IQGAP2: variants seen among roughly 807,000 people sequenced by gnomAD.
The protein encoded by IQGAP2 is IQ motif containing GTPase activating protein 2.
In IQGAP2, 173 loss-of-function variants were observed where a neutral mutation model predicts 201.3. That is an observed-to-expected ratio of 0.86 (90% confidence interval 0.76 to 0.98). The LOEUF is 0.98. Ranked by LOEUF, IQGAP2 falls within the 50% of genes least tolerant of loss-of-function variation. The probability of loss-of-function intolerance (pLI) is 0.00; values close to 1 mark genes in which losing one functional copy is unlikely to be tolerated. For synonymous variants in IQGAP2, 675 were observed against 673.9 expected (o/e 1.00, Z -0.03); for missense variants, 1,687 against 1,864.8 (o/e 0.90, Z 1.76).
intron 11 of IQGAP2, among the ~76,000 whole-genome samples, chr5:76,604,218 G>A (rs1747637020): frequency 6.6e-6 from 1 of 152,144 alleles, no homozygotes; most frequent in African/African-American, 2.4e-5. Context: ...ACTTATGAGT[G>A]GGAACATGTG....
chr5:76,463,883 T>C (rs1181234265), intron 2 of IQGAP2, among the ~76,000 whole-genome samples: 1 of 151,842 alleles, frequency 6.6e-6, no homozygotes, highest in African/African-American at 2.4e-5. Flanking sequence ...AGTCTCACTC[T>C]GTCGCCCAGG....
At chr5:76,577,288 T>C (rs1258001321) in intron 5 of IQGAP2, among the ~76,000 whole-genome samples, 1 of 152,246 alleles carries the variant, frequency 6.6e-6, no homozygotes, top group African/African-American at 2.4e-5. Flanking sequence ...GACTTACATG[T>C]GTATTTGCCA....
chr5:76,648,613 T>C (rs544589016), intron 17 of IQGAP2, among the ~76,000 whole-genome samples: 1 of 152,242 alleles, frequency 6.6e-6, no homozygotes, highest in South Asian at 2.1e-4. Context: ...GCAGCTATCA[T>C]AAAAATGTTA....
At chr5:76,472,547 A>G (rs10474477) in intron 2 of IQGAP2, among the ~76,000 whole-genome samples, 110,004 of 152,102 alleles carry the variant, frequency 0.72, 40,789 homozygotes, top group Middle Eastern at 0.83. Flanking sequence ...GGCAGATCAA[A>G]GCATTGCTTA....
rs530679279 is a variant in IQGAP2 at position 76,431,128 on chromosome 5, T to C, written c.46+27537T>C. 3.7e-4 allele frequency among the ~76,000 whole-genome samples: 56 copies of C among 152,148 alleles called. 1 individual carries two copies. Among genetic ancestry groups the C allele is most frequent in the African/African-American group, 1.1e-3 (45 of 41,550 alleles). On this transcript the variant is annotated intron_variant, in intron 1 of 35. Coordinates refer to ENST00000274364, the MANE Select transcript of IQGAP2 (RefSeq NM_006633.5). ...TAGTCTTAAAAATTGCATTAAATTG[T>C]TAGTGGATTTCTACTGTAGATGAGA...
chr5:76,666,646 CT>C (rs1383240548), intron 22 of IQGAP2, among the ~76,000 whole-genome samples: 6 of 152,222 alleles, frequency 3.9e-5, no homozygotes, highest in African/African-American at 1.4e-4. Context: ...TATTTTTCTT[CT>C]CCTTCTCTTC....
At position 76,683,218 on chromosome 5, in the gene IQGAP2, G is replaced by A; in HGVS notation, c.3763+1G>A. The stretch of plus-strand genomic sequence containing the variant: ...GTGCCAACCGTGGAATCTTTTCTTG[G>A]TAAGAGCTTGTTCCTTCTACTTATC... On this transcript the variant is annotated splice_donor_variant, in intron 29 of 35. Transcript: ENST00000274364. LOFTEE classifies it high-confidence loss of function. The A allele has an allele frequency of 6.2e-7, 1 of 1,604,654 alleles. No homozygotes were observed. Among genetic ancestry groups the A allele is most frequent in the Non-Finnish European group, 8.5e-7 (1 of 1,173,558 alleles).
chr5:76,485,595 T>C (rs1251412182), intron 2 of IQGAP2, among the ~76,000 whole-genome samples: 1 of 152,224 alleles, frequency 6.6e-6, no homozygotes, highest in African/African-American at 2.4e-5. Flanking sequence ...TTGGAGGTTT[T>C]GTAGAAATCA....
chr5:76,660,734 G>A (rs930912544), intron 21 of IQGAP2, among the ~76,000 whole-genome samples: 5 of 152,032 alleles, frequency 3.3e-5, no homozygotes, highest in African/African-American at 4.8e-5. Flanking sequence ...ATTTTTTAGC[G>A]GTTAAATTAA....
intron 2 of IQGAP2, among the ~76,000 whole-genome samples, chr5:76,556,309 C>T (rs1010865617): frequency 2.0e-5 from 3 of 152,130 alleles, no homozygotes. Context: ...GCCATCTTGT[C>T]TGCTCCTTTA....
Position 76,524,877 on chromosome 5 carries a change from G to A in IQGAP2, c.147-37519G>A, listed in dbSNP as rs756305741. ...TTTCCTTCCTACGACTCTTCTATGT[G>A]TTTATAGTAACATCAAGACAATGAC... On this transcript the variant is annotated intron_variant, in intron 2 of 35. Transcript: ENST00000274364. Among the ~76,000 whole-genome samples the A allele has an allele frequency of 9.2e-5, 14 of 152,176 alleles. 1 individual carries two copies. Among genetic ancestry groups the A allele is most frequent in the Admixed American group, 2.6e-4 (4 of 15,282 alleles).
chr5:76,609,370 A>G (rs925009068), intron 12 of IQGAP2: 18 of 731,180 alleles, frequency 2.5e-5, no homozygotes, highest in Admixed American at 8.0e-5. Context: ...AGTTCTGTCA[A>G]TGTTTACAGA....
At chr5:76,501,150 T>C (rs900435674) in intron 2 of IQGAP2, among the ~76,000 whole-genome samples, 1 of 152,088 alleles carries the variant, frequency 6.6e-6, no homozygotes, top group Non-Finnish European at 1.5e-5. Flanking sequence ...AACAGAAATA[T>C]AGTATTTCTG....
In IQGAP2 at chr5:76,676,397, G is replaced by A. The variant is rs1190799230; in HGVS notation, c.3528-821G>A. 4.6e-5 allele frequency among the ~76,000 whole-genome samples: 7 copies of A among 152,314 alleles called. No homozygotes were observed. The East Asian group carries it at 1.2e-3, about 25-fold the overall frequency. ...GCTGTTTAACCTCCCCCAGCCTCTG[G>A]CTGGGAAAGCAGAGGTCATTTCTGG... On this transcript the variant is annotated intron_variant, in intron 27 of 35. Coordinates refer to ENST00000274364, the MANE Select transcript of IQGAP2 (RefSeq NM_006633.5).
intron 20 of IQGAP2, among the ~76,000 whole-genome samples, chr5:76,656,281 G>A (rs1238926090): frequency 7.9e-5 from 12 of 151,740 alleles, no homozygotes; most frequent in Admixed American, 7.9e-4. Context: ...GGACTGCAGT[G>A]GCGCTATCTC....
Position 76,668,820 on chromosome 5 carries a change from A to C in IQGAP2, c.2819A>C (p.Lys940Thr). 3 of 1,602,564 alleles carry C rather than the reference A, an allele frequency of 1.9e-6. No homozygotes were observed. Among genetic ancestry groups the C allele is most frequent in the Non-Finnish European group, 1.7e-6 (2 of 1,173,992 alleles). Reference protein sequence around the residue: ...REEYLLLKLFKTALEEEIKSK... With the variant: ...REEYLLLKLFTTALEEEIKSK... ...GAATATCTACTTCTCAAGCTTTTTAAAACTGCTCTGGAGGAAGAAATAAAG... is the reference window on the plus strand; with the variant it reads ...GAATATCTACTTCTCAAGCTTTTTACAACTGCTCTGGAGGAAGAAATAAAG... The change falls in exon 23 of 36, where the codon AAA becomes ACA. Residue 940 changes from lysine (K) to threonine (T), a missense_variant. Lys to Thr is a moderately conservative substitution (Grantham distance 78). Transcript: ENST00000274364.
At chr5:76,531,267 T>A (rs560705111) in intron 2 of IQGAP2, among the ~76,000 whole-genome samples, 1 of 152,286 alleles carries the variant, frequency 6.6e-6, no homozygotes, top group East Asian at 1.9e-4. Flanking sequence ...TTTAATTTTT[T>A]AATTTTAATG....
At chr5:76,632,107 C>A in intron 15 of IQGAP2, 81 bp downstream of exon 15, 1 of 1,207,280 alleles carries the variant, frequency 8.3e-7, no homozygotes, top group Non-Finnish European at 1.1e-6. Context: ...AATTTTAAGA[C>A]AAGTAATGCT....
chr5:76,597,436 C>G lies in IQGAP2; in HGVS notation c.908-3C>G. On this transcript the variant is annotated splice_region_variant and splice_polypyrimidine_tract_variant and intron_variant, in intron 9 of 35. Coordinates refer to ENST00000274364, the MANE Select transcript of IQGAP2 (RefSeq NM_006633.5). Reference sequence around the variant, plus strand: ...CTGACAAAACATGAACCCCCATCCTCAGGGCAGGCTGCAGTGGACCATATC... The same window carrying G: ...CTGACAAAACATGAACCCCCATCCTGAGGGCAGGCTGCAGTGGACCATATC... The G allele has an allele frequency of 6.2e-7, 1 of 1,613,658 alleles. No individual in the cohort carries two copies. The highest frequency in any genetic ancestry group is 8.5e-7 in the Non-Finnish European group (1 of 1,179,820).
Sources: gnomAD v4.1 joint callset for allele counts (sites outside exome capture counted in the v4.1 genomes callset) on GRCh38, gnomAD v4.1.1 for gene constraint, MANE v1.5 for transcripts, NCBI Gene and HGNC (gene_info 2026-07-23, HGNC 2026-07-21) for gene names.